C6orf163: variants seen among roughly 807,000 people sequenced by gnomAD.
C6orf163 encodes chromosome 6 open reading frame 163, also known as uncharacterized protein C6orf163.
C6orf163 carries 22 observed loss-of-function variants against 28.4 expected under a neutral mutation model. The observed-to-expected ratio is 0.78, with a 90% CI of 0.55 to 1.11. The LOEUF is 1.11. Among genes scored for constraint, C6orf163 ranks in the 50% least tolerant of loss-of-function variants. The pLI, the probability that C6orf163 is intolerant of heterozygous loss-of-function variation, is 0.00. For missense variants in C6orf163, 342 were observed against 389.1 expected, an observed-to-expected ratio of 0.88 and a Z score of 1.02; for synonymous variants, 110 against 123.6, an observed-to-expected ratio of 0.89 and a Z score of 0.73.
At chr6:87,358,618 A>AAT (rs60436418) in intron 4 of C6orf163, 63,007 of 151,004 alleles carry the variant, frequency 0.42, 13,434 homozygotes, top group Non-Finnish European at 0.47. Flanking sequence ...AAAAAAAAAA[A>AAT]ATCTGTTTGT....
At chr6:87,359,793 A>G (rs910988693) in intron 4 of C6orf163, among the ~76,000 whole-genome samples, 1 of 152,226 alleles carries the variant, frequency 6.6e-6, no homozygotes, top group African/African-American at 2.4e-5. Context: ...TATTTTGAAA[A>G]TAGTTACTTT....
intron 3 of C6orf163, among the ~76,000 whole-genome samples, chr6:87,355,061 AAAAG>A (rs1777478587): frequency 6.6e-6 from 1 of 152,244 alleles, no homozygotes; most frequent in South Asian, 2.1e-4. Flanking sequence ...CAGCTATTGA[AAAAG>A]AAAGAAAACC....
chr6:87,347,060 A>G (rs1582103273), intron 1 of C6orf163, among the ~76,000 whole-genome samples: 3 of 152,150 alleles, frequency 2.0e-5, no homozygotes, highest in South Asian at 4.1e-4. Flanking sequence ...CATCACCACA[A>G]TCACAACATG....
chr6:87,351,146 C>A lies in C6orf163; in HGVS notation c.351+645C>A, dbSNP rs540120707. 6.6e-5 allele frequency among the ~76,000 whole-genome samples: 10 copies of A among 152,210 alleles called. 1 individual carries two copies. In the South Asian group the frequency reaches 2.1e-3, roughly 32 times the overall value. Reference sequence around the variant, plus strand: ...TAACTTACAAACTTTCAGGTGGAGACCCTAGGATTCATTGTTAGTTCAGTA... The same window carrying A: ...TAACTTACAAACTTTCAGGTGGAGAACCTAGGATTCATTGTTAGTTCAGTA... On this transcript the variant is annotated intron_variant, in intron 3 of 4. Transcript: ENST00000388923.
intron 2 of C6orf163, among the ~76,000 whole-genome samples, chr6:87,350,043 G>A (rs186621196): frequency 3.3e-5 from 5 of 152,288 alleles, no homozygotes; most frequent in Admixed American, 6.5e-5. Flanking sequence ...GTGTTTTCCA[G>A]ATTTTCCACA....
rs1449762056 is a variant in C6orf163, at chr6:87,356,408, T to C, written c.459T>C (p.Ile153=). The part of the protein sequence containing the change: ...EQRMVHRIQR[I]MMECHREKVE... ...GCATGGTCCACAGAATCCAAAGGAT[T>C]ATGATGGAATGCCACAGAGAGAAGG... Residue 153 remains isoleucine, a synonymous_variant, in exon 4 of 5, where the codon ATT becomes ATC. Coordinates refer to ENST00000388923, the MANE Select transcript of C6orf163 (RefSeq NM_001010868.3). 3 of 1,551,592 alleles carry C rather than the reference T, an allele frequency of 1.9e-6. No homozygotes were observed. In the Admixed American group the frequency reaches 5.9e-5, roughly 30 times the overall value.
At chr6:87,348,061 C>A (rs1777355192) in intron 1 of C6orf163, 1 of 509,854 alleles carries the variant, frequency 2.0e-6, no homozygotes, top group Non-Finnish European at 2.5e-6. Context: ...GAGGCTGAGG[C>A]AGGAGAATCA....
chr6:87,346,309 G>T (rs1365389336), intron 1 of C6orf163, among the ~76,000 whole-genome samples: 2 of 152,112 alleles, frequency 1.3e-5, no homozygotes, highest in African/African-American at 4.8e-5. Flanking sequence ...GATCAAATTG[G>T]AATCATCTTC....
intron 4 of C6orf163, among the ~76,000 whole-genome samples, chr6:87,362,460 G>C (rs967100448): frequency 6.6e-6 from 1 of 152,166 alleles, no homozygotes; most frequent in Non-Finnish European, 1.5e-5. Context: ...CTGGACAACA[G>C]AGCAAGATTC....
intron 3 of C6orf163, among the ~76,000 whole-genome samples, chr6:87,351,838 A>G (rs1373261100): frequency 6.6e-6 from 1 of 152,182 alleles, no homozygotes; most frequent in East Asian, 1.9e-4. Flanking sequence ...AAGGGGCTCT[A>G]GTTCCCTGCT....
At chr6:87,350,550 AAAAAG>A (rs1305605861) in intron 3 of C6orf163, 49 bp downstream of exon 3, 1 of 1,115,016 alleles carries the variant, frequency 9.0e-7, no homozygotes, top group Admixed American at 2.6e-5. Flanking sequence ...TTACATTAGT[AAAAAG>A]AAAAGTTGGC....
intron 4 of C6orf163, among the ~76,000 whole-genome samples, chr6:87,360,223 C>G (rs1777561417): frequency 6.6e-6 from 1 of 152,078 alleles, no homozygotes; most frequent in Non-Finnish European, 1.5e-5. Flanking sequence ...GTACTAATAC[C>G]TAGTTCTTTC....
intron 1 of C6orf163, chr6:87,347,904 C>G: frequency 1.0e-6 from 1 of 982,480 alleles, no homozygotes; most frequent in Non-Finnish European, 1.2e-6. Context: ...GCCTGTAATC[C>G]TAGCACTTTG....
intron 1 of C6orf163, among the ~76,000 whole-genome samples, chr6:87,346,446 A>C (rs146772542): frequency 6.6e-6 from 1 of 152,242 alleles, no homozygotes; most frequent in Non-Finnish European, 1.5e-5. Flanking sequence ...ATATACCTTA[A>C]TGATTGATTC....
At chr6:87,353,181 A>G (rs956867648) in intron 3 of C6orf163, among the ~76,000 whole-genome samples, 6 of 152,200 alleles carry the variant, frequency 3.9e-5, no homozygotes, top group Non-Finnish European at 5.9e-5. Flanking sequence ...CTAGTTACTA[A>G]TTAGGAATCA....
At chr6:87,345,291 C>A in intron 1 of C6orf163, 44 bp downstream of exon 1, 1 of 1,453,926 alleles carries the variant, frequency 6.9e-7, no homozygotes, top group Admixed American at 2.8e-5. Flanking sequence ...GCTTCATAGC[C>A]TTATGTGTCA....
intron 1 of C6orf163, chr6:87,348,606 T>C (rs768490562): frequency 8.9e-6 from 12 of 1,342,382 alleles, no homozygotes; most frequent in Non-Finnish European, 1.1e-5. Flanking sequence ...AATGACCAAC[T>C]CTATCCAGGC....
At chr6:87,355,394 T>C (rs490447) in intron 3 of C6orf163, among the ~76,000 whole-genome samples, 81,389 of 151,752 alleles carry the variant, frequency 0.54, 22,286 homozygotes, top group Non-Finnish European at 0.59. Context: ...AACCCTATTT[T>C]GACAAAAAAT....
At chr6:87,346,195 T>C (rs557334237) in intron 1 of C6orf163, among the ~76,000 whole-genome samples, 1 of 152,230 alleles carries the variant, frequency 6.6e-6, no homozygotes, top group African/African-American at 2.4e-5. Flanking sequence ...TCTCTTCCTT[T>C]AAAATGGTAA....
Sources: gnomAD v4.1 joint callset for allele counts (sites outside exome capture counted in the v4.1 genomes callset) on GRCh38, gnomAD v4.1.1 for gene constraint, MANE v1.5 for transcripts, NCBI Gene and HGNC (gene_info 2026-07-23, HGNC 2026-07-21) for gene names.